NRXN1: variants seen among roughly 807,000 people sequenced by gnomAD.
NRXN1 encodes neurexin-1.
In NRXN1, 39 loss-of-function variants were observed where a neutral mutation model predicts 150.9. The observed-to-expected ratio is 0.26, with a 90% CI of 0.20 to 0.34. NRXN1 has a LOEUF of 0.34. NRXN1 is among the 10% of genes least tolerant of loss of function. NRXN1 has a pLI of 1.00. For missense variants in NRXN1, 1,815 were observed against 1,949.9 expected (o/e 0.93, Z 1.30); for synonymous variants, 924 against 757.0 (o/e 1.22, Z -3.62).
chr2:50,212,236 A>G (rs1488891244), intron 18 of NRXN1, among the ~76,000 whole-genome samples: 1 of 151,532 alleles, frequency 6.6e-6, no homozygotes, highest in African/African-American at 2.4e-5. Flanking sequence ...AGAAACTCTC[A>G]GAAGTAGAAA....
intron 18 of NRXN1, among the ~76,000 whole-genome samples, chr2:50,117,365 T>A (rs1322993601): frequency 6.6e-6 from 1 of 152,050 alleles, no homozygotes; most frequent in African/African-American, 2.4e-5. Context: ...CAGAGATGAA[T>A]AAGGAGAATG....
chr2:50,673,461 CA>C (rs1298023291), intron 5 of NRXN1, among the ~76,000 whole-genome samples: 3 of 151,932 alleles, frequency 2.0e-5, no homozygotes, highest in Non-Finnish European at 4.4e-5. Flanking sequence ...CAGGTAGAAA[CA>C]AATGTAAAAA....
At chr2:49,995,890 A>G (rs75040057) in intron 21 of NRXN1, among the ~76,000 whole-genome samples, 4 of 137,840 alleles carry the variant, frequency 2.9e-5, no homozygotes, top group Non-Finnish European at 4.7e-5. Context: ...AAAAGAAAAA[A>G]GGATTTAGAG....
chr2:50,468,071 A>T (rs2089092402), intron 16 of NRXN1, among the ~76,000 whole-genome samples: 1 of 151,638 alleles, frequency 6.6e-6, no homozygotes, highest in Non-Finnish European at 1.5e-5. Context: ...AACAGGGAGT[A>T]ATACAAGCCC....
intron 21 of NRXN1, chr2:50,022,750 G>C (rs1558712845): frequency 6.6e-6 from 1 of 152,182 alleles, no homozygotes; most frequent in Non-Finnish European, 1.5e-5. Context: ...TTTGTATTTA[G>C]TTATACTCCA....
At chr2:50,466,413 G>T in intron 16 of NRXN1, 1 of 454,524 alleles carries the variant, frequency 2.2e-6, no homozygotes, top group Admixed American at 2.5e-5. Context: ...GGTTTCCACT[G>T]TGTATTATGG....
At chr2:50,399,810 A>ATTCTCAG in intron 17 of NRXN1, among the ~76,000 whole-genome samples, 2 of 24,730 alleles carry the variant, frequency 8.1e-5, no homozygotes, top group African/African-American at 4.1e-4. Flanking sequence ...AAAAAAAAAA[A>ATTCTCAG]AAAAAAAAAA....
intron 19 of NRXN1, among the ~76,000 whole-genome samples, chr2:50,088,863 A>C (rs779097394): frequency 6.6e-6 from 1 of 152,202 alleles, no homozygotes; most frequent in Non-Finnish European, 1.5e-5. Context: ...TTTGAACTAT[A>C]TTCAGTACAT....
intron 13 of NRXN1, among the ~76,000 whole-genome samples, chr2:50,503,894 C>CATGG (rs1420021244): frequency 1.3e-4 from 20 of 152,092 alleles, no homozygotes; most frequent in Non-Finnish European, 7.4e-5. Context: ...TCACCAAAGA[C>CATGG]ATGGGCAGCG....
At chr2:50,420,679 A>G (rs1422180063) in intron 17 of NRXN1, among the ~76,000 whole-genome samples, 1 of 152,066 alleles carries the variant, frequency 6.6e-6, no homozygotes, top group African/African-American at 2.4e-5. Context: ...GTGATAAAGT[A>G]CAGCTCATGA....
At chr2:51,004,929 T>G (rs1700526097) in intron 2 of NRXN1, among the ~76,000 whole-genome samples, 1 of 151,952 alleles carries the variant, frequency 6.6e-6, no homozygotes. Flanking sequence ...ATAGTAAAAC[T>G]TAATGAATGA....
intron 12 of NRXN1, among the ~76,000 whole-genome samples, chr2:50,512,264 G>A (rs938434097): frequency 6.6e-6 from 1 of 152,100 alleles, no homozygotes; most frequent in Non-Finnish European, 1.5e-5. Flanking sequence ...TAGGCAGAGA[G>A]CAGACCAAGC....
intron 18 of NRXN1, among the ~76,000 whole-genome samples, chr2:50,216,279 A>T (rs2063393150): frequency 6.6e-6 from 1 of 152,052 alleles, no homozygotes; most frequent in Non-Finnish European, 1.5e-5. Flanking sequence ...AATTATCTCA[A>T]ATGTTTATAA....
intron 5 of NRXN1, among the ~76,000 whole-genome samples, chr2:50,636,272 A>G (rs1216713292): frequency 6.6e-6 from 1 of 152,166 alleles, no homozygotes. Flanking sequence ...TTATTTGCTC[A>G]GGGAAACGCA....
chr2:50,453,647 T>C (rs901277041), intron 17 of NRXN1, among the ~76,000 whole-genome samples: 14 of 152,170 alleles, frequency 9.2e-5, no homozygotes, highest in Non-Finnish European at 1.2e-4. Context: ...GCATAATTAA[T>C]ACGGAAAGAA....
At chr2:50,836,279 TA>T (rs1672091380) in intron 5 of NRXN1, among the ~76,000 whole-genome samples, 1 of 152,138 alleles carries the variant, frequency 6.6e-6, no homozygotes, top group Non-Finnish European at 1.5e-5. Context: ...TAAATCAGGG[TA>T]ATTAACAAAT....
At chr2:50,700,924 C>T (rs773495386) in intron 5 of NRXN1, among the ~76,000 whole-genome samples, 3 of 151,854 alleles carry the variant, frequency 2.0e-5, no homozygotes, top group Non-Finnish European at 2.9e-5. Flanking sequence ...CCTCGGCCTC[C>T]GAAAGTGCTG....
chr2:50,287,088 CA>C (rs1260413759), intron 17 of NRXN1, among the ~76,000 whole-genome samples: 2 of 151,890 alleles, frequency 1.3e-5, no homozygotes, highest in Non-Finnish European at 2.9e-5. Context: ...TACTTCCCTA[CA>C]TGACTTAACT....
At chr2:50,224,688 GGAGAAAGAGAGAGAGA>G (rs2064192592) in intron 18 of NRXN1, among the ~76,000 whole-genome samples, 1 of 86,080 alleles carries the variant, frequency 1.2e-5, no homozygotes, top group Admixed American at 1.2e-4. Flanking sequence ...AGAGAGAGAG[GGAGAAAGAGAGAGAGA>G]GAGAGAGAGA....
Sources: gnomAD v4.1 joint callset for allele counts (sites outside exome capture counted in the v4.1 genomes callset) on GRCh38, gnomAD v4.1.1 for gene constraint, MANE v1.5 for transcripts, NCBI Gene and HGNC (gene_info 2026-07-23, HGNC 2026-07-21) for gene names.